SLC9A9: variants seen among roughly 807,000 people sequenced by gnomAD.
SLC9A9 encodes sodium/hydrogen exchanger 9.
A neutral mutation model predicts 77.8 loss-of-function variants in SLC9A9; 62 were observed. That is an observed-to-expected ratio of 0.80 (90% CI 0.65 to 0.98). The LOEUF (loss-of-function observed/expected upper bound fraction) is 0.98, where lower values mean the gene tolerates loss of function less well. Ranked by LOEUF, SLC9A9 falls within the 50% of genes least tolerant of loss-of-function variation. The probability of loss-of-function intolerance (pLI) is 0.00; values close to 1 mark genes in which losing one functional copy is unlikely to be tolerated. For missense variants in SLC9A9, 775 were observed against 774.9 expected (o/e 1.00, Z 0.00); for synonymous variants, 320 against 283.5 (o/e 1.13, Z -1.29).
intron 14 of SLC9A9, among the ~76,000 whole-genome samples, chr3:143,361,393 G>T (rs2032749483): frequency 6.6e-6 from 1 of 152,144 alleles, no homozygotes; most frequent in Non-Finnish European, 1.5e-5. Flanking sequence ...CTCTACACTG[G>T]TGGTGGCTGG....
intron 14 of SLC9A9, among the ~76,000 whole-genome samples, chr3:143,350,155 G>T (rs542681502): frequency 6.7e-4 from 102 of 152,226 alleles, no homozygotes; most frequent in Admixed American, 3.2e-3. Context: ...GTCACCTGGG[G>T]CTCCTACTTC....
chr3:143,841,888 G>T (rs1294467360), intron 1 of SLC9A9, among the ~76,000 whole-genome samples: 1 of 151,880 alleles, frequency 6.6e-6, no homozygotes, highest in East Asian at 1.9e-4. Context: ...CGAGTAGCTC[G>T]GATTACAGGC....
intron 5 of SLC9A9, among the ~76,000 whole-genome samples, chr3:143,665,115 C>T (rs904619534): frequency 2.6e-5 from 4 of 152,190 alleles, no homozygotes; most frequent in Non-Finnish European, 5.9e-5. Context: ...TGTAAAAGAA[C>T]AGAAATTATA....
At chr3:143,332,732 G>A (rs866400819) in intron 14 of SLC9A9, among the ~76,000 whole-genome samples, 7 of 152,148 alleles carry the variant, frequency 4.6e-5, no homozygotes, top group Admixed American at 4.6e-4. Context: ...AGACAGAAGA[G>A]GTTTTATCTC....
Position 143,266,147 on chromosome 3 carries a change from A to G in SLC9A9, c.*555T>C, listed in dbSNP as rs748207190. 33 of 701,740 alleles carry G rather than the reference A, an allele frequency of 4.7e-5. No individual in the cohort carries two copies. In the South Asian group the frequency reaches 4.9e-4, roughly 10 times the overall value. The allele number at this position is 701,740 out of a possible 1,614,324, so 43.5% of individuals were successfully genotyped here. A position where few individuals can be genotyped will look rare whatever the true frequency, so the allele number is the denominator to read the frequency against. ...CTTCAACTCAGTGTGGGCTCTGGGA[A>G]ACCATCAGCAGTGGGTACGGAACAC... On this transcript the variant is annotated 3_prime_UTR_variant, in exon 16 of 16. Transcript: ENST00000316549.
chr3:143,706,771 C>T (rs918065557), intron 4 of SLC9A9, among the ~76,000 whole-genome samples: 3 of 152,204 alleles, frequency 2.0e-5, no homozygotes, highest in Admixed American at 2.0e-4. Flanking sequence ...TGTGGTCCAA[C>T]ACAAATTCAT....
At chr3:143,820,513 C>T (rs2009138702) in intron 2 of SLC9A9, among the ~76,000 whole-genome samples, 2 of 152,188 alleles carry the variant, frequency 1.3e-5, no homozygotes, top group Non-Finnish European at 2.9e-5. Context: ...CAGGCCTTCT[C>T]ATTTTCTGCA....
intron 9 of SLC9A9, among the ~76,000 whole-genome samples, chr3:143,530,902 T>C (rs1289878797): frequency 2.0e-5 from 3 of 152,210 alleles, no homozygotes; most frequent in South Asian, 4.1e-4. Flanking sequence ...GCATTTTATG[T>C]TTTAGTTCAT....
intron 9 of SLC9A9, among the ~76,000 whole-genome samples, chr3:143,536,150 T>G (rs540093804): frequency 6.6e-6 from 1 of 152,358 alleles, no homozygotes; most frequent in Non-Finnish European, 1.5e-5. Flanking sequence ...ATATGTAAAT[T>G]ACTATATGAA....
At chr3:143,697,689 TAC>T (rs144005213) in intron 4 of SLC9A9, among the ~76,000 whole-genome samples, 47,291 of 148,136 alleles carry the variant, frequency 0.32, 7,555 homozygotes, top group South Asian at 0.46. Flanking sequence ...TGTGTGTGAG[TAC>T]ACACACACAC....
At chr3:143,288,899 C>A (rs1016970100) in intron 14 of SLC9A9, among the ~76,000 whole-genome samples, 6 of 152,360 alleles carry the variant, frequency 3.9e-5, no homozygotes, top group Admixed American at 3.9e-4. Flanking sequence ...CTAATACCCT[C>A]TTACCTAAGG....
At chr3:143,444,477 C>A (rs955165908) in intron 12 of SLC9A9, among the ~76,000 whole-genome samples, 1 of 152,184 alleles carries the variant, frequency 6.6e-6, no homozygotes, top group African/African-American at 2.4e-5. Context: ...AAAGAAATAA[C>A]TTTATCATGC....
intron 4 of SLC9A9, among the ~76,000 whole-genome samples, chr3:143,718,950 C>G (rs1934425819): frequency 6.6e-6 from 1 of 152,174 alleles, no homozygotes; most frequent in Admixed American, 6.5e-5. Context: ...TTGTCAGTCT[C>G]TTCCTCTGCA....
intron 6 of SLC9A9, among the ~76,000 whole-genome samples, chr3:143,606,991 T>C (rs2037939481): frequency 1.1e-5 from 1 of 92,498 alleles, no homozygotes; most frequent in African/African-American, 5.2e-5. Flanking sequence ...CAAAATACAA[T>C]ACATAGAAAG....
intron 6 of SLC9A9, among the ~76,000 whole-genome samples, chr3:143,614,996 A>G (rs1159083086): frequency 6.6e-6 from 1 of 152,106 alleles, no homozygotes; most frequent in Non-Finnish European, 1.5e-5. Context: ...GCCCTCATGG[A>G]CACTGGGGGT....
At chr3:143,833,353 C>T (rs1219181327) in intron 1 of SLC9A9, among the ~76,000 whole-genome samples, 1 of 152,118 alleles carries the variant, frequency 6.6e-6, no homozygotes. Flanking sequence ...TACAGGAGCT[C>T]GTTTGTATAA....
Position 143,493,633 on chromosome 3 carries a change from A to G in SLC9A9, c.1315+20T>C, listed in dbSNP as rs1237751742. 15 of 1,595,978 alleles carry G rather than the reference A, an allele frequency of 9.4e-6. No homozygotes were observed. The highest frequency in any genetic ancestry group is 1.7e-4 in the Middle Eastern group (1 of 6,056). ...TTGTGAGAAAACCAGCAGCACTAAC[A>G]TATAACATAGTTCACATACCTGAAA... On this transcript the variant is annotated intron_variant, in intron 11 of 15. Coordinates refer to ENST00000316549, the MANE Select transcript of SLC9A9 (RefSeq NM_173653.4).
intron 4 of SLC9A9, among the ~76,000 whole-genome samples, chr3:143,733,087 TGTTTA>T (rs1457833353): frequency 6.6e-6 from 1 of 152,220 alleles, no homozygotes; most frequent in African/African-American, 2.4e-5. Flanking sequence ...TTATTACTTC[TGTTTA>T]GTTTCATCTC....
At chr3:143,339,981 A>G (rs1157255991) in intron 14 of SLC9A9, among the ~76,000 whole-genome samples, 1 of 152,240 alleles carries the variant, frequency 6.6e-6, no homozygotes, top group African/African-American at 2.4e-5. Flanking sequence ...AGACTAATGC[A>G]TAGGAGAAAT....
Sources: gnomAD v4.1 joint callset for allele counts (sites outside exome capture counted in the v4.1 genomes callset) on GRCh38, gnomAD v4.1.1 for gene constraint, MANE v1.5 for transcripts, NCBI Gene and HGNC (gene_info 2026-07-23, HGNC 2026-07-21) for gene names.